The following KCND2 variants were observed in gnomAD, a reference collection of about 807,000 sequenced individuals.
The protein encoded by KCND2 is A-type voltage-gated potassium channel KCND2.
In KCND2, 16 loss-of-function variants were observed where a neutral mutation model predicts 54.4. The ratio of observed to expected loss-of-function variants is 0.29; its 90% CI spans 0.20 to 0.45. The LOEUF (loss-of-function observed/expected upper bound fraction) is 0.45. Among genes scored for constraint, KCND2 ranks in the 20% least tolerant of loss-of-function variants. The probability of loss-of-function intolerance (pLI) is 1.00; values close to 1 mark genes in which losing one functional copy is unlikely to be tolerated. For missense variants in KCND2, 486 were observed against 824.2 expected (o/e 0.59, Z 5.02); for synonymous variants, 317 against 310.7 (o/e 1.02, Z -0.21).
chr7:120,708,837 A>G (rs1463610563), intron 1 of KCND2, among the ~76,000 whole-genome samples: 2 of 152,078 alleles, frequency 1.3e-5, no homozygotes, highest in South Asian at 2.1e-4. Context: ...TTTTTTGTTT[A>G]TAGGTTTAAT....
intron 1 of KCND2, among the ~76,000 whole-genome samples, chr7:120,560,379 T>G (rs937241722): frequency 1.3e-5 from 2 of 152,216 alleles, no homozygotes; most frequent in African/African-American, 4.8e-5. Flanking sequence ...TAAAATATTT[T>G]GCCTTAAAAA....
chr7:120,512,672 G>T (rs1803136888), intron 1 of KCND2, among the ~76,000 whole-genome samples: 2 of 152,146 alleles, frequency 1.3e-5, no homozygotes, highest in East Asian at 1.9e-4. Flanking sequence ...GATGATACTT[G>T]CATGTTAGGA....
chr7:120,681,437 A>T lies in KCND2; in HGVS notation c.1116-51466A>T, dbSNP rs1049872006. Among the ~76,000 whole-genome samples, 25 of 151,992 alleles carry T rather than the reference A, an allele frequency of 1.6e-4. 1 individual carries two copies. Among genetic ancestry groups the T allele is most frequent in the African/African-American group, 4.6e-4 (19 of 41,424 alleles). On this transcript the variant is annotated intron_variant, in intron 1 of 5. Transcript: ENST00000331113. ...GGATAATCACATTCCAACTAAACAC[A>T]TGTGCTCTGTAACCACAATTTTTTA...
At chr7:120,547,184 T>C (rs1290278608) in intron 1 of KCND2, among the ~76,000 whole-genome samples, 1 of 151,984 alleles carries the variant, frequency 6.6e-6, no homozygotes, top group Non-Finnish European at 1.5e-5. Context: ...TTCTGTTAAA[T>C]AAAAACAAAT....
chr7:120,441,727 T>C (rs1371829589), intron 1 of KCND2, among the ~76,000 whole-genome samples: 1 of 152,052 alleles, frequency 6.6e-6, no homozygotes, highest in African/African-American at 2.4e-5. Context: ...ATTGGACAGA[T>C]ATGGAATTAA....
At chr7:120,510,061 TC>T (rs1251247824) in intron 1 of KCND2, among the ~76,000 whole-genome samples, 2 of 152,114 alleles carry the variant, frequency 1.3e-5, no homozygotes, top group African/African-American at 4.8e-5. Flanking sequence ...TATTCACACT[TC>T]CTTATGTGAC....
intron 1 of KCND2, among the ~76,000 whole-genome samples, chr7:120,478,832 G>T (rs1373177495): frequency 1.3e-5 from 2 of 151,974 alleles, no homozygotes; most frequent in Non-Finnish European, 2.9e-5. Context: ...CCATCCTGAA[G>T]ATTTTGTAAG....
chr7:120,738,169 G>A (rs988598820), intron 2 of KCND2, among the ~76,000 whole-genome samples: 1 of 152,010 alleles, frequency 6.6e-6, no homozygotes, highest in Admixed American at 6.6e-5. Flanking sequence ...ATTAGTTTGA[G>A]GAAATTTGCA....
intron 1 of KCND2, 146 bp from the exon 2 acceptor site, chr7:120,732,757 G>A (rs1490966949): frequency 1.5e-5 from 9 of 613,110 alleles, no homozygotes; most frequent in Admixed American, 3.1e-5. Context: ...TGACATTAAA[G>A]TCTGAAGCCA....
intron 1 of KCND2, among the ~76,000 whole-genome samples, chr7:120,395,937 G>A (rs187929359): frequency 6.6e-5 from 10 of 152,012 alleles, no homozygotes; most frequent in South Asian, 2.1e-4. Context: ...CTCCTACCTC[G>A]TCCTCATGCA....
intron 1 of KCND2, among the ~76,000 whole-genome samples, chr7:120,285,365 A>G (rs1562996768): frequency 1.3e-5 from 2 of 152,024 alleles, no homozygotes; most frequent in South Asian, 2.1e-4. Context: ...TTGATAGTCA[A>G]TTGGTTTTCA....
chr7:120,694,679 A>G (rs1414571854), intron 1 of KCND2, among the ~76,000 whole-genome samples: 1 of 152,164 alleles, frequency 6.6e-6, no homozygotes, highest in Non-Finnish European at 1.5e-5. Context: ...AATGATGCCT[A>G]CCACACTCTG....
chr7:120,606,556 T>C (rs1488101350), intron 1 of KCND2, among the ~76,000 whole-genome samples: 1 of 152,082 alleles, frequency 6.6e-6, no homozygotes, highest in Non-Finnish European at 1.5e-5. Context: ...TTTTTATATA[T>C]AGTACGCAGA....
intron 1 of KCND2, among the ~76,000 whole-genome samples, chr7:120,475,642 G>T (rs1283336177): frequency 6.6e-6 from 1 of 152,162 alleles, no homozygotes; most frequent in Non-Finnish European, 1.5e-5. Flanking sequence ...GTGGAGCTAT[G>T]AATAGAATGC....
At chr7:120,583,983 G>A (rs757892648) in intron 1 of KCND2, among the ~76,000 whole-genome samples, 6 of 152,192 alleles carry the variant, frequency 3.9e-5, no homozygotes, top group Non-Finnish European at 5.9e-5. Context: ...GGGAGGTCAC[G>A]GGACTCAACA....
At chr7:120,719,733 C>T (rs1467865379) in intron 1 of KCND2, among the ~76,000 whole-genome samples, 4 of 152,096 alleles carry the variant, frequency 2.6e-5, no homozygotes, top group Non-Finnish European at 5.9e-5. Flanking sequence ...ACAAAAAAGA[C>T]TCATAAGCAG....
intron 1 of KCND2, among the ~76,000 whole-genome samples, chr7:120,285,173 T>G (rs1439401628): frequency 6.6e-6 from 1 of 152,088 alleles, no homozygotes; most frequent in Non-Finnish European, 1.5e-5. Context: ...CCTGAAAATA[T>G]TTACTCTGGT....
At chr7:120,506,222 G>C (rs900512510) in intron 1 of KCND2, among the ~76,000 whole-genome samples, 3 of 151,568 alleles carry the variant, frequency 2.0e-5, no homozygotes, top group Non-Finnish European at 4.4e-5. Flanking sequence ...AATAAATATT[G>C]AGTTCGATCC....
intron 1 of KCND2, among the ~76,000 whole-genome samples, chr7:120,302,448 G>A (rs950897246): frequency 6.6e-6 from 1 of 151,964 alleles, no homozygotes; most frequent in African/African-American, 2.4e-5. Flanking sequence ...TTTTTGACGG[G>A]GACGGGGAGG....
Sources: allele counts gnomAD v4.1 joint callset (sites outside exome capture counted in the v4.1 genomes callset), GRCh38; gene constraint gnomAD v4.1.1; transcripts MANE v1.5; gene names NCBI Gene and HGNC (gene_info 2026-07-23, HGNC 2026-07-21).